DCTN2: variants seen among roughly 807,000 people sequenced by gnomAD.
DCTN2 encodes 50 kDa dynein-associated polypeptide.
Under a neutral mutation model 55.4 loss-of-function variants are expected in DCTN2, and 18 were observed. That is an observed-to-expected ratio of 0.32 (90% confidence interval 0.22 to 0.48). The LOEUF is 0.48. Among genes scored for constraint, DCTN2 ranks in the 20% least tolerant of loss-of-function variants. The pLI, the probability that DCTN2 is intolerant of heterozygous loss-of-function variation, is 0.99. For synonymous variants in DCTN2, 168 were observed against 185.2 expected (o/e 0.91, Z 0.76); for missense variants, 390 against 491.0 (o/e 0.79, Z 1.94).
intron 2 of DCTN2, among the ~76,000 whole-genome samples, chr12:57,544,980 C>T (rs1475238744): frequency 6.6e-6 from 1 of 152,144 alleles, no homozygotes; most frequent in Non-Finnish European, 1.5e-5. Flanking sequence ...AGGTGTTTCC[C>T]ACAATGTAAG....
At chr12:57,533,469 C>CGAGG (rs1404648934) in intron 7 of DCTN2, among the ~76,000 whole-genome samples, 166 bp from the exon 8 acceptor site, 1 of 152,088 alleles carries the variant, frequency 6.6e-6, no homozygotes. Context: ...GGTAGATGGG[C>CGAGG]GAGGGAAACA....
chr12:57,536,715 G>T (rs369711077), intron 2 of DCTN2, among the ~76,000 whole-genome samples: 7 of 152,250 alleles, frequency 4.6e-5, no homozygotes, highest in African/African-American at 1.7e-4. Flanking sequence ...AAGCAGAGAG[G>T]TTCCCTCCTT....
rs1461900401 is a variant in DCTN2, at chr12:57,547,135, C to G, written c.-72G>C. The G allele has an allele frequency of 3.3e-6, 4 of 1,220,640 alleles. No individual in the cohort carries two copies. In the African/African-American group the frequency reaches 4.7e-5, roughly 14 times the overall value. 75.6% of individuals were successfully genotyped at this position (1,220,640 alleles called of 1,614,324 possible). A position where few individuals can be genotyped will look rare whatever the true frequency, so the allele number is the denominator to read the frequency against. On this transcript the variant is annotated 5_prime_UTR_variant, in exon 1 of 14. Coordinates refer to ENST00000548249, the MANE Select transcript of DCTN2 (RefSeq NM_001261413.2). ...GGCCGGTGTTCGGGTAGGGGAGAGG[C>G]TGGGTTCGGGTCCCGGGCTAAGGCG...
chr12:57,542,510 T>C (rs1880777521), intron 2 of DCTN2, among the ~76,000 whole-genome samples: 1 of 152,182 alleles, frequency 6.6e-6, no homozygotes, highest in Non-Finnish European at 1.5e-5. Context: ...AACTTGACTA[T>C]TCCTTTAGAC....
chr12:57,540,993 G>A (rs1234783706), intron 2 of DCTN2, among the ~76,000 whole-genome samples: 3 of 152,160 alleles, frequency 2.0e-5, no homozygotes, highest in Non-Finnish European at 4.4e-5. Flanking sequence ...ATAGCTAAAA[G>A]TCATTCCATA....
intron 13 of DCTN2, among the ~76,000 whole-genome samples, chr12:57,531,279 T>C (rs1173742525): frequency 2.6e-5 from 4 of 152,040 alleles, no homozygotes; most frequent in Non-Finnish European, 5.9e-5. Flanking sequence ...CTCAGCACTT[T>C]GGGAGGCCGA....
rs1879564913 is a variant in DCTN2, at chr12:57,530,492, G to C, written c.*197C>G. 2.0e-6 allele frequency: 1 copy of C among 507,328 alleles called. No homozygotes were observed. The highest frequency in any genetic ancestry group is 3.5e-6 in the Non-Finnish European group (1 of 284,622). 31.4% of individuals were successfully genotyped at this position (507,328 alleles called of 1,614,324 possible). ...CAGGCCTGAGGGGAGACCACCTTCT[G>C]ATGATAACCAACCCCTAGCTACCAC... On this transcript the variant is annotated 3_prime_UTR_variant, in exon 14 of 14. Coordinates refer to ENST00000548249, the MANE Select transcript of DCTN2 (RefSeq NM_001261413.2).
intron 2 of DCTN2, chr12:57,543,816 G>A: frequency 7.8e-7 from 1 of 1,289,462 alleles, no homozygotes; most frequent in Non-Finnish European, 1.0e-6. Flanking sequence ...CTGGCATCCT[G>A]GGCAACATGC....
intron 2 of DCTN2, among the ~76,000 whole-genome samples, chr12:57,541,121 C>G (rs1880656722): frequency 6.6e-6 from 1 of 152,192 alleles, no homozygotes; most frequent in African/African-American, 2.4e-5. Flanking sequence ...ATCCCATCCT[C>G]CACTGGACAG....
At chr12:57,545,625 T>C (rs1268492230) in intron 2 of DCTN2, among the ~76,000 whole-genome samples, 2 of 152,250 alleles carry the variant, frequency 1.3e-5, no homozygotes, top group South Asian at 2.1e-4. Context: ...GATATTCATA[T>C]GGAAAAAGTA....
chr12:57,533,631 C>T (rs1879948178), intron 7 of DCTN2, among the ~76,000 whole-genome samples: 1 of 151,964 alleles, frequency 6.6e-6, no homozygotes, highest in South Asian at 2.1e-4. Flanking sequence ...ATGAGCCGGG[C>T]GTGGTGGCAG....
intron 3 of DCTN2, 100 bp from the exon 4 acceptor site, chr12:57,535,645 G>A: frequency 6.6e-7 from 1 of 1,519,600 alleles, no homozygotes; most frequent in South Asian, 1.1e-5. Context: ...CTCCATGAGG[G>A]ACCCCTTCCC....
chr12:57,532,429 G>A, intron 11 of DCTN2, 114 bp from the exon 12 acceptor site: 1 of 1,327,842 alleles, frequency 7.5e-7, no homozygotes, highest in Non-Finnish European at 1.1e-6. Flanking sequence ...GGGAAGCAGT[G>A]CCCTGACTTT....
At position 57,532,036 on chromosome 12, in the gene DCTN2, G is replaced by A; in HGVS notation, c.1098C>T (p.Asp366=). The change falls in exon 13 of 14, where the codon GAC becomes GAT. Residue 366 remains aspartate, a synonymous_variant. Transcript: ENST00000548249. The part of the protein sequence containing the change: ...TQQMIANSLK[D]NTTLLTQVQT... The stretch of plus-strand genomic sequence containing the variant: ...ACACCTGGGTCAAGAGGGTGGTATT[G>A]TCCTTCAAGGAATTAGCAATCATCT... 6.4e-7 allele frequency: 1 copy of A among 1,564,566 alleles called. No individual in the cohort carries two copies. The highest frequency in any genetic ancestry group is 1.9e-5 in the Admixed American group (1 of 52,632).
chr12:57,546,771 G>C (rs368871582), intron 1 of DCTN2, among the ~76,000 whole-genome samples: 4 of 152,210 alleles, frequency 2.6e-5, no homozygotes, highest in African/African-American at 9.6e-5. Flanking sequence ...AGGCACAAGA[G>C]GTCAGTACCC....
At chr12:57,532,503 C>T (rs1268398386) in intron 11 of DCTN2, 69 bp downstream of exon 11, 1 of 1,542,718 alleles carries the variant, frequency 6.5e-7, no homozygotes, top group Non-Finnish European at 9.0e-7. Flanking sequence ...AGTGTGTTCT[C>T]ATGCTTTGAC....
chr12:57,532,801 C>T lies in DCTN2; in HGVS notation c.784G>A (p.Glu262Lys). 1 of 1,613,988 alleles carries T rather than the reference C, an allele frequency of 6.2e-7. No homozygotes were observed. The highest frequency in any genetic ancestry group is 8.5e-7 in the Non-Finnish European group (1 of 1,179,882). ...LQGACLMETV[E>K]LLQAKVSALD... The stretch of plus-strand genomic sequence containing the variant: ...GCGCTCACCTTTGCTTGCAACAGCT[C>T]TACAGTCTCCTGGGGATGGAAGTTG... The change falls in exon 10 of 14, where the codon GAG becomes AAG. Residue 262 changes from glutamate (E) to lysine (K), a missense_variant. Glu to Lys is a moderately conservative substitution (Grantham distance 56). Coordinates refer to ENST00000548249, the MANE Select transcript of DCTN2 (RefSeq NM_001261413.2).
intron 5 of DCTN2, 33 bp from the exon 6 acceptor site, chr12:57,534,485 G>C: frequency 5.1e-6 from 8 of 1,558,590 alleles, no homozygotes; most frequent in Non-Finnish European, 7.0e-6. Flanking sequence ...TCGGGGGATG[G>C]CAAGAATGAA....
At chr12:57,533,914 T>TC (rs770403190) in intron 7 of DCTN2, 39 bp downstream of exon 7, 2 of 1,545,356 alleles carry the variant, frequency 1.3e-6, no homozygotes, top group Admixed American at 3.9e-5. Flanking sequence ...GGGTCACATC[T>TC]CCCCTTGGCT....
Sources: gnomAD v4.1 joint callset for allele counts (sites outside exome capture counted in the v4.1 genomes callset) on GRCh38, gnomAD v4.1.1 for gene constraint, MANE v1.5 for transcripts, NCBI Gene and HGNC (gene_info 2026-07-23, HGNC 2026-07-21) for gene names.